Variants in PPP2R5B observed in about 807,000 individuals in gnomAD.
PPP2R5B encodes the protein serine/threonine-protein phosphatase 2A 56 kDa regulatory subunit beta isoform.
PPP2R5B carries 19 observed loss-of-function variants against 59.9 expected under a neutral mutation model. The observed-to-expected ratio is 0.32, with a 90% CI of 0.22 to 0.47. PPP2R5B has a LOEUF of 0.47. Among genes scored for constraint, PPP2R5B ranks in the 20% least tolerant of loss-of-function variants. The pLI is 1.00. For synonymous variants in PPP2R5B, 286 were observed against 260.5 expected (o/e 1.10, Z -0.94); for missense variants, 441 against 640.2 (o/e 0.69, Z 3.36).
At chr11:64,919,909 T>C (rs619328), upstream of PPP2R5B, among the ~76,000 whole-genome samples, 144,607 of 152,158 alleles carry the variant, frequency 0.95, 69,137 homozygotes, top group East Asian at 1. Context: ...CTAAATGCTG[T>C]GGAGCGAATG....
At position 64,931,876 on chromosome 11, in the gene PPP2R5B, G is replaced by C. The variant is rs765773193; in HGVS notation, c.1116+8G>C. The C allele has an allele frequency of 6.2e-7, 1 of 1,613,682 alleles. No homozygotes were observed. Among genetic ancestry groups the C allele is most frequent in the Non-Finnish European group, 8.5e-7 (1 of 1,179,884 alleles). On this transcript the variant is annotated splice_region_variant and intron_variant, in intron 11 of 13. Transcript: ENST00000164133. The surrounding 1 kb of genome is among the most constrained non-coding windows in gnomAD (Gnocchi z 5.0). ...TCCAGCCCCCATTTCCAGGTATGAG[G>C]CAGGACAGGCGGGGATGGGAGCAGG...
chr11:64,928,265 T>G (rs925671765), intron 5 of PPP2R5B, 30 bp from the exon 6 acceptor site: 2 of 1,612,770 alleles, frequency 1.2e-6, no homozygotes, highest in Non-Finnish European at 1.7e-6. Flanking sequence ...CCCCTGACCC[T>G]GACCCTGACC....
chr11:64,922,546 T>C (rs1227341623), upstream of PPP2R5B, among the ~76,000 whole-genome samples: 5 of 151,940 alleles, frequency 3.3e-5, no homozygotes, highest in Admixed American at 3.3e-4. Flanking sequence ...ACTGTGCCTA[T>C]TTTGAGACCC....
intron 11 of PPP2R5B, among the ~76,000 whole-genome samples, chr11:64,932,137 G>A (rs1198152752): frequency 2.0e-5 from 3 of 152,178 alleles, no homozygotes; most frequent in African/African-American, 7.2e-5. Context: ...CACAGGGTGG[G>A]GATAAGGATG....
chr11:64,918,390 C>T (rs1945066499), intron 1 of PPP2R5B: 2 of 152,270 alleles, frequency 1.3e-5, no homozygotes, highest in African/African-American at 2.4e-5. Flanking sequence ...GACAGACTCT[C>T]TCTGTCACCT....
At chr11:64,919,342 C>A in intron 1 of PPP2R5B, among the ~76,000 whole-genome samples, 1 of 145,630 alleles carries the variant, frequency 6.9e-6, no homozygotes, top group African/African-American at 2.5e-5. Context: ...GATTCTGTCT[C>A]AAAAAAAAAA....
At chr11:64,921,886 C>T (rs917809579), upstream of PPP2R5B, among the ~76,000 whole-genome samples, 3 of 152,152 alleles carry the variant, frequency 2.0e-5, no homozygotes, top group African/African-American at 4.8e-5. Flanking sequence ...ATACATCTTT[C>T]GTTGCATATA....
chr11:64,931,671 C>T lies in PPP2R5B; in HGVS notation c.996+62C>T. On this transcript the variant is annotated intron_variant, in intron 10 of 13. Coordinates refer to ENST00000164133, the MANE Select transcript of PPP2R5B (RefSeq NM_006244.4). This position sits in a 1 kb window ranked among gnomAD's most constrained non-coding sequence, Gnocchi z 5.0. ...CTGGGAGGGCTCGGCCTCTAGAAGG[C>T]AGTCAGGTGTGTGTATGTGTAGGGG... The T allele has an allele frequency of 6.2e-7, 1 of 1,613,746 alleles. No individual in the cohort carries two copies. Among genetic ancestry groups the T allele is most frequent in the Non-Finnish European group, 8.5e-7 (1 of 1,179,890 alleles).
intron 4 of PPP2R5B, 41 bp downstream of exon 4, chr11:64,927,944 G>A (rs1945186190): frequency 6.4e-7 from 1 of 1,571,344 alleles, no homozygotes; most frequent in Admixed American, 1.7e-5. Flanking sequence ...AGTTTCAGAA[G>A]AGATCCAAGG....
rs554840972 is a variant in PPP2R5B at position 64,925,949 on chromosome 11, G to C, written c.199+16G>C. Reference sequence around the variant, plus strand: ...CTGCTCAAAGGTGAGCTGGCTGCTGGCCACTGGGGGAACCGAACCCCCGAG... The same window carrying C: ...CTGCTCAAAGGTGAGCTGGCTGCTGCCCACTGGGGGAACCGAACCCCCGAG... On this transcript the variant is annotated intron_variant, in intron 2 of 13. Transcript: ENST00000164133. This position sits in a 1 kb window ranked among gnomAD's most constrained non-coding sequence, Gnocchi z 4.6. The C allele has an allele frequency of 3.7e-6, 6 of 1,607,192 alleles. No individual in the cohort carries two copies. Among genetic ancestry groups the C allele is most frequent in the Non-Finnish European group, 5.1e-6 (6 of 1,178,092 alleles).
chr11:64,933,631 G>T, intron 13 of PPP2R5B, 66 bp from the exon 14 acceptor site: 1 of 1,492,394 alleles, frequency 6.7e-7, no homozygotes, highest in Non-Finnish European at 8.9e-7. Flanking sequence ...AGGGAGTCTG[G>T]ACTGTGAGGG....
In PPP2R5B at chr11:64,930,468, GCCT is replaced by G; in HGVS notation, c.783-5_783-3del. The G allele has an allele frequency of 1.2e-6, 2 of 1,614,012 alleles. No homozygotes were observed. Among genetic ancestry groups the G allele is most frequent in the East Asian group, 2.2e-5 (1 of 44,872 alleles). Reference sequence around the variant, plus strand: ...CACCTGAGCCCTCTTCCTCTCTTCTGCCTCCTCCTCAGCATCATCAATGGCTTT... The same window carrying G: ...CACCTGAGCCCTCTTCCTCTCTTCTGCCTCCTCAGCATCATCAATGGCTTT... On this transcript the variant is annotated splice_polypyrimidine_tract_variant and intron_variant, in intron 7 of 13. Transcript: ENST00000164133.
Position 64,925,723 on chromosome 11 carries a change from C to CGCCTGA in PPP2R5B, c.-11_-6dup. ...CCGGGGCTCTGAAAGCTTGCCCTGC[C>CGCCTGA]GCCTGACCGCCATGGAGACGAAGCT... On this transcript the variant is annotated 5_prime_UTR_variant, in exon 2 of 14. Transcript: ENST00000164133. This position sits in a 1 kb window ranked among gnomAD's most constrained non-coding sequence, Gnocchi z 4.6. The CGCCTGA allele has an allele frequency of 6.4e-7, 1 of 1,572,536 alleles. No homozygotes were observed. The highest frequency in any genetic ancestry group is 8.7e-7 in the Non-Finnish European group (1 of 1,151,914).
intron 6 of PPP2R5B, 142 bp downstream of exon 6, chr11:64,928,567 A>G: frequency 7.7e-7 from 1 of 1,307,138 alleles, no homozygotes; most frequent in Non-Finnish European, 1.0e-6. Context: ...ACCTAAGGTG[A>G]GGAGTTTGAG....
chr11:64,919,445 TTAA>T (rs1289210096), intron 1 of PPP2R5B, among the ~76,000 whole-genome samples: 2 of 150,956 alleles, frequency 1.3e-5, no homozygotes, highest in African/African-American at 4.9e-5. Context: ...GATTATTACA[TTAA>T]TAATAATATA....
chr11:64,924,675 G>C (rs1279094023), upstream of PPP2R5B: 5 of 152,296 alleles, frequency 3.3e-5, no homozygotes, highest in Admixed American at 6.5e-5. Context: ...GGGCCGGGTG[G>C]GGGGAGGTGA....
rs372785277 is a variant in PPP2R5B, at chr11:64,933,703, G to A, written c.1353G>A (p.Gln451=). ...ASYKLEKQQE[Q]QKAQERQELW... ...CCTCACCCTCTCTCCCCAGGGAGCA[G>A]CAGAAGGCCCAGGAGCGTCAGGAGT... The change falls in exon 14 of 14, where the codon CAG becomes CAA. Residue 451 remains glutamine (Q), a synonymous_variant. Coordinates refer to ENST00000164133, the MANE Select transcript of PPP2R5B (RefSeq NM_006244.4). 5.1e-6 allele frequency: 8 copies of A among 1,554,292 alleles called. No individual in the cohort carries two copies. The African/African-American group carries it at 9.6e-5, about 19-fold the overall frequency.
upstream of PPP2R5B, among the ~76,000 whole-genome samples, chr11:64,921,103 G>C (rs1009657418): frequency 1.5e-4 from 22 of 151,368 alleles, no homozygotes; most frequent in Non-Finnish European, 5.9e-5. Context: ...CTATAGGCTC[G>C]TGCCACCATG....
In PPP2R5B at chr11:64,928,056, C is replaced by T; in HGVS notation, c.499-10C>T. ...CTGAACTCACCTTTTTGTCTGTCCC[C>T]CTCCCCCAGCTGGTATATGAGTTTT... is the stretch of plus-strand genomic sequence containing the variant. On this transcript the variant is annotated splice_polypyrimidine_tract_variant and intron_variant, in intron 4 of 13. Transcript: ENST00000164133. 1 of 1,613,754 alleles carries T rather than the reference C, an allele frequency of 6.2e-7. No homozygotes were observed.
Sources: allele counts gnomAD v4.1 joint callset (sites outside exome capture counted in the v4.1 genomes callset), GRCh38; gene constraint gnomAD v4.1.1; non-coding constraint Gnocchi (gnomAD v3.1); transcripts MANE v1.5; gene names NCBI Gene and HGNC (gene_info 2026-07-23, HGNC 2026-07-21).